PRKAR1B: variants seen among roughly 807,000 people sequenced by gnomAD.
PRKAR1B encodes cAMP-dependent protein kinase type I-beta regulatory subunit.
PRKAR1B carries 22 observed loss-of-function variants against 46.5 expected under a neutral mutation model. The ratio of observed to expected loss-of-function variants is 0.47; its 90% CI spans 0.34 to 0.68. The LOEUF is 0.68. Ranked by LOEUF, PRKAR1B falls within the 30% of genes least tolerant of loss-of-function variation. PRKAR1B has a pLI of 0.01. For missense variants in PRKAR1B, 445 were observed against 535.6 expected (o/e 0.83, Z 1.67); for synonymous variants, 259 against 217.7 (o/e 1.19, Z -1.67).
intron 4 of PRKAR1B, chr7:608,561 C>G (rs1042058252): frequency 2.6e-5 from 4 of 152,578 alleles, no homozygotes; most frequent in Non-Finnish European, 5.9e-5. Flanking sequence ...ACTCAGTTTC[C>G]TGTTTCCTCC....
chr7:709,658 C>T (rs1349657583), intron 2 of PRKAR1B, among the ~76,000 whole-genome samples: 1 of 152,178 alleles, frequency 6.6e-6, no homozygotes, highest in Admixed American at 6.5e-5. Context: ...GCGTGAGCCA[C>T]TGCACCCAGC....
chr7:635,568 C>T (rs1784000204), intron 4 of PRKAR1B, among the ~76,000 whole-genome samples: 1 of 152,212 alleles, frequency 6.6e-6, no homozygotes, highest in Non-Finnish European at 1.5e-5. Context: ...CCCCAGGGCA[C>T]TGGAACCCAG....
chr7:617,411 C>T (rs1358347100), intron 4 of PRKAR1B, among the ~76,000 whole-genome samples: 1 of 151,596 alleles, frequency 6.6e-6, no homozygotes, highest in Non-Finnish European at 1.5e-5. Context: ...CTCAAGCGAT[C>T]CTCCTGCCTT....
intron 4 of PRKAR1B, among the ~76,000 whole-genome samples, chr7:620,652 G>A (rs1783063430): frequency 6.6e-6 from 1 of 152,196 alleles, no homozygotes; most frequent in Non-Finnish European, 1.5e-5. Flanking sequence ...ATTTTTGTAA[G>A]TTGAGCTTGC....
chr7:691,561 C>A (rs890117141), intron 2 of PRKAR1B: 1 of 1,304,380 alleles, frequency 7.7e-7, no homozygotes, highest in Non-Finnish European at 1.0e-6. Context: ...TGTCCACACG[C>A]CCTTCCGCCT....
chr7:670,709 A>G (rs1167246177), intron 4 of PRKAR1B, among the ~76,000 whole-genome samples: 5 of 145,656 alleles, frequency 3.4e-5, no homozygotes, highest in African/African-American at 7.7e-5. Flanking sequence ...CCCACGCCAC[A>G]GCATCCAGCA....
intron 1 of PRKAR1B, among the ~76,000 whole-genome samples, chr7:711,811 T>C (rs959390581): frequency 7.9e-5 from 12 of 151,512 alleles, no homozygotes; most frequent in Non-Finnish European, 1.2e-4. Flanking sequence ...AAGCCCCTTC[T>C]GCAGTTCTGA....
chr7:673,068 A>AAAAAAC (rs1786365798), intron 4 of PRKAR1B, among the ~76,000 whole-genome samples: 5 of 142,606 alleles, frequency 3.5e-5, no homozygotes, highest in Non-Finnish European at 4.6e-5. Flanking sequence ...AAAAAAAAAA[A>AAAAAAC]AAAAAAAAAA....
chr7:665,851 A>G (rs1229915495), intron 4 of PRKAR1B, among the ~76,000 whole-genome samples: 4 of 152,198 alleles, frequency 2.6e-5, no homozygotes, highest in Admixed American at 2.6e-4. Flanking sequence ...AGTTTGTGGA[A>G]AAACAGACTG....
At chr7:611,371 G>A (rs1167986327) in intron 4 of PRKAR1B, among the ~76,000 whole-genome samples, 4 of 152,238 alleles carry the variant, frequency 2.6e-5, no homozygotes, top group Non-Finnish European at 5.9e-5. Flanking sequence ...CTGGGCAGGC[G>A]TCCAGTAAGG....
intron 9 of PRKAR1B, among the ~76,000 whole-genome samples, chr7:575,718 T>C (rs1779779388): frequency 1.3e-5 from 2 of 152,064 alleles, no homozygotes; most frequent in African/African-American, 4.8e-5. Flanking sequence ...GCTAATTTTT[T>C]CACCTGTCTT....
chr7:637,264 C>CA (rs1290277335), intron 4 of PRKAR1B, among the ~76,000 whole-genome samples: 1 of 151,960 alleles, frequency 6.6e-6, no homozygotes, highest in Non-Finnish European at 1.5e-5. Flanking sequence ...ACTAAAAATA[C>CA]AAAAATTAGC....
At position 606,183 on chromosome 7, in the gene PRKAR1B, C is replaced by A. The variant is rs748844364; in HGVS notation, c.549+10G>T. On this transcript the variant is annotated intron_variant, in intron 6 of 10. Transcript: ENST00000537384. The stretch of plus-strand genomic sequence containing the variant: ...GCGCTATTTTCCAAAGACAAGTTAG[C>A]GACACTCACATCCACTTCCCCTTGA... 1.2e-6 allele frequency: 2 copies of A among 1,613,438 alleles called. No homozygotes were observed. The highest frequency in any genetic ancestry group is 2.7e-5 in the African/African-American group (2 of 74,896).
rs527572382 is a variant in PRKAR1B at position 658,962 on chromosome 7, A to G, written c.440+18267T>C. 3.9e-4 allele frequency among the ~76,000 whole-genome samples: 60 copies of G among 152,252 alleles called. 1 individual carries two copies. Among genetic ancestry groups the G allele is most frequent in the African/African-American group, 1.4e-3 (60 of 41,550 alleles). ...CACCGTGCCTGGCCTAATGTTTTTA[A>G]AAAAATATTATCTCGCAGTCATTTG... is the stretch of plus-strand genomic sequence containing the variant. On this transcript the variant is annotated intron_variant, in intron 4 of 10. Coordinates refer to ENST00000537384, the MANE Select transcript of PRKAR1B (RefSeq NM_001164760.2).
At position 551,433 on chromosome 7, in the gene PRKAR1B, T is replaced by C; in HGVS notation, c.929A>G (p.Glu310Gly). The C allele has an allele frequency of 6.4e-7, 1 of 1,560,438 alleles. No homozygotes were observed. ...CAGGCGCCCCACCTCCACGTACTCC[T>C]CATTGGGGGACCGGCGCTGCAGCAC... ...ASVLQRRSPN[E>G]EYVEVGRLGP... The change falls in exon 10 of 11, where the codon GAG becomes GGG. Residue 310 changes from glutamate to glycine, a missense_variant. Physicochemically the swap from Glu to Gly is moderately conservative, Grantham distance 98. This residue lies in a region of PRKAR1B where 127 missense variants were observed against 138.0 expected (regional missense o/e 0.92). Transcript: ENST00000537384.
chr7:688,198 C>T (rs187442089), intron 2 of PRKAR1B, among the ~76,000 whole-genome samples: 206 of 151,372 alleles, frequency 1.4e-3, no homozygotes, highest in African/African-American at 4.6e-3. Context: ...GTCAGGAGTT[C>T]GAGACCAACC....
chr7:698,546 C>A lies in PRKAR1B; in HGVS notation c.177+12783G>T, dbSNP rs113241727. 9.5e-3 allele frequency among the ~76,000 whole-genome samples: 1,442 copies of A among 152,044 alleles called. 16 individuals carry two copies. Among genetic ancestry groups the A allele is most frequent in the South Asian group, 0.016 (75 of 4,786 alleles). ...CACATATGTGTGAACATGTACATAT[C>A]CAACTAAGTACATGTGTGTGCACAT... On this transcript the variant is annotated intron_variant, in intron 2 of 10. Transcript: ENST00000537384.
chr7:564,020 A>G (rs1420769541), intron 9 of PRKAR1B, among the ~76,000 whole-genome samples: 1 of 152,076 alleles, frequency 6.6e-6, no homozygotes, highest in East Asian at 1.9e-4. Flanking sequence ...TCCATTGACA[A>G]TTCAGCAGCC....
intron 4 of PRKAR1B, among the ~76,000 whole-genome samples, chr7:638,692 A>ATCTT (rs1784246869): frequency 6.6e-6 from 1 of 152,208 alleles, no homozygotes; most frequent in Non-Finnish European, 1.5e-5. Flanking sequence ...TCTAAATACA[A>ATCTT]TCTTTATTGA....
Sources: gnomAD v4.1 joint callset for allele counts (sites outside exome capture counted in the v4.1 genomes callset) on GRCh38, gnomAD v4.1.1 for gene constraint, gnomAD v4.1.1 regional missense constraint, MANE v1.5 for transcripts, NCBI Gene and HGNC (gene_info 2026-07-23, HGNC 2026-07-21) for gene names.